Variants in SLC2A14 observed in about 807,000 individuals in gnomAD.
SLC2A14 encodes solute carrier family 2 member 14, also known as solute carrier family 2, facilitated glucose transporter member 14.
SLC2A14 carries 13 observed loss-of-function variants against 43.0 expected under a neutral mutation model. That is an observed-to-expected ratio of 0.30 (90% CI 0.20 to 0.48). The LOEUF is 0.48. Ranked by LOEUF, SLC2A14 falls within the 20% of genes least tolerant of loss-of-function variation. The pLI, the probability that SLC2A14 is intolerant of heterozygous loss-of-function variation, is 0.99. For missense variants in SLC2A14, 428 were observed against 620.4 expected (o/e 0.69, Z 3.29); for synonymous variants, 190 against 233.8 (o/e 0.81, Z 1.71).
intron 1 of SLC2A14, among the ~76,000 whole-genome samples, chr12:7,886,912 CTTT>C (rs11442108): frequency 5.3e-5 from 7 of 131,852 alleles, no homozygotes; most frequent in Admixed American, 7.8e-5. Context: ...TAATGATTTT[CTTT>C]TTTTTTTTTT....
chr12:7,852,188 C>T lies in SLC2A14; in HGVS notation c.18+17675G>A, dbSNP rs748466476. ...CTTACAACTGTAACAAATGAATAAA[C>T]GTGGGGAAGAGAAACAGAAGGCCAG... On this transcript the variant is annotated intron_variant, in intron 2 of 10. Transcript: ENST00000431042. Among the ~76,000 whole-genome samples, 91 of 152,012 alleles carry T rather than the reference C, an allele frequency of 6.0e-4. 1 individual carries two copies. Among genetic ancestry groups the T allele is most frequent in the African/African-American group, 1.9e-3 (79 of 41,454 alleles).
At chr12:7,865,987 C>T (rs970133839) in intron 2 of SLC2A14, among the ~76,000 whole-genome samples, 6 of 151,968 alleles carry the variant, frequency 3.9e-5, no homozygotes, top group Admixed American at 2.6e-4. Context: ...GAGGCCGAGG[C>T]GGGTGGATCA....
chr12:7,835,324 T>C (rs1465332212), intron 2 of SLC2A14, among the ~76,000 whole-genome samples: 1 of 152,044 alleles, frequency 6.6e-6, no homozygotes, highest in Non-Finnish European at 1.5e-5. Context: ...GAGGCAGAGG[T>C]TGCAGTCAGC....
At chr12:7,882,022 T>C (rs776465582) in intron 1 of SLC2A14, among the ~76,000 whole-genome samples, 1 of 152,018 alleles carries the variant, frequency 6.6e-6, no homozygotes, top group Non-Finnish European at 1.5e-5. Context: ...TGGGGCCAGA[T>C]AAGAGAATAA....
chr12:7,832,465 T>G (rs751880486), intron 3 of SLC2A14, among the ~76,000 whole-genome samples: 1 of 152,300 alleles, frequency 6.6e-6, no homozygotes, highest in East Asian at 1.9e-4. Context: ...CCACCAATAT[T>G]GTCTCCATCT....
In SLC2A14 at chr12:7,827,602, C is replaced by T; in HGVS notation, c.757G>A (p.Glu253Lys). Residue 253 changes from glutamate (E) to lysine (K), a missense_variant, in exon 7 of 11, where the codon GAA becomes AAA. Physicochemically the swap from Glu to Lys is moderately conservative, Grantham distance 56 (BLOSUM62 1). Coordinates refer to ENST00000431042, the MANE Select transcript of SLC2A14 (RefSeq NM_001286234.2). ...MKDESARMSQ[E>K]KQVTVLELFR... is the part of the protein sequence containing the mutation. ...AGCTCCAGCACGGTGACTTGCTTTT[C>T]TTGTGACATCCTTGCACTCTCATCT... 1 of 1,613,242 alleles carries T rather than the reference C, an allele frequency of 6.2e-7. No homozygotes were observed. The highest frequency in any genetic ancestry group is 8.5e-7 in the Non-Finnish European group (1 of 1,179,832).
chr12:7,874,712 G>T (rs1452940704), upstream of SLC2A14, among the ~76,000 whole-genome samples: 44 of 127,116 alleles, frequency 3.5e-4, no homozygotes, highest in African/African-American at 1.0e-3. Flanking sequence ...ATATAAATAT[G>T]TATATAAATA....
intron 1 of SLC2A14, among the ~76,000 whole-genome samples, chr12:7,887,202 G>A (rs1945702105): frequency 6.6e-6 from 1 of 151,784 alleles, no homozygotes; most frequent in Non-Finnish European, 1.5e-5. Flanking sequence ...ATGAGCCACC[G>A]CGCCCGGCCA....
At chr12:7,890,953 T>C (rs1425948613) in intron 1 of SLC2A14, 1 of 1,508,660 alleles carries the variant, frequency 6.6e-7, no homozygotes, top group East Asian at 2.5e-5. Flanking sequence ...ATCCTCGACA[T>C]GGACTACCTG....
At chr12:7,842,436 T>C (rs1217624811) in intron 2 of SLC2A14, among the ~76,000 whole-genome samples, 2 of 152,232 alleles carry the variant, frequency 1.3e-5, no homozygotes. Flanking sequence ...AAAAGTCATC[T>C]TCACTTGATC....
At chr12:7,880,937 C>T (rs1945559018) in intron 1 of SLC2A14, among the ~76,000 whole-genome samples, 1 of 152,040 alleles carries the variant, frequency 6.6e-6, no homozygotes, top group Admixed American at 6.6e-5. Context: ...GTCAAGAGTT[C>T]GAGACCAGCC....
At chr12:7,849,576 GA>G (rs1342594336) in intron 2 of SLC2A14, among the ~76,000 whole-genome samples, 3 of 151,726 alleles carry the variant, frequency 2.0e-5, no homozygotes, top group Admixed American at 6.6e-5. Context: ...TAAAGGTGAT[GA>G]AAAAAATTAA....
intron 2 of SLC2A14, among the ~76,000 whole-genome samples, chr12:7,865,401 G>A (rs1461858756): frequency 6.6e-6 from 1 of 151,976 alleles, no homozygotes; most frequent in Non-Finnish European, 1.5e-5. Flanking sequence ...GCCGGGCGTG[G>A]TGGCACATGC....
At chr12:7,819,230 A>T (rs1212598470) in intron 9 of SLC2A14, among the ~76,000 whole-genome samples, 1 of 152,142 alleles carries the variant, frequency 6.6e-6, no homozygotes, top group Non-Finnish European at 1.5e-5. Context: ...ACAAACAAAC[A>T]AACAAACAAA....
chr12:7,863,974 CCTGG>C (rs1372046564), intron 2 of SLC2A14, among the ~76,000 whole-genome samples: 1 of 151,870 alleles, frequency 6.6e-6, no homozygotes, highest in Non-Finnish European at 1.5e-5. Flanking sequence ...TGCCACCATG[CCTGG>C]CTAATTTTTT....
chr12:7,827,896 T>G (rs1472961802), intron 6 of SLC2A14, among the ~76,000 whole-genome samples: 3 of 152,130 alleles, frequency 2.0e-5, no homozygotes, highest in Non-Finnish European at 2.9e-5. Flanking sequence ...ATCCCAGCAT[T>G]TTGTGAGGCC....
At position 7,884,429 on chromosome 12, in the gene SLC2A14, G is replaced by A. The variant is rs371231116; in HGVS notation, c.132+6567C>T. ...AAGCTTTTAATACTAGTGAAGTGCC[G>A]TAGTGGGGGGATGGGGAAGAGTGGA... is the stretch of plus-strand genomic sequence containing the variant. On this transcript the variant is annotated intron_variant, in intron 1 of 9. Coordinates refer to the SLC2A14 transcript ENST00000539924. Among the ~76,000 whole-genome samples, 31 of 152,150 alleles carry A rather than the reference G, an allele frequency of 2.0e-4. 1 individual carries two copies. Among genetic ancestry groups the A allele is most frequent in the East Asian group, 1.2e-3 (6 of 5,186 alleles).
chr12:7,865,536 C>CAA (rs777728882), intron 2 of SLC2A14, among the ~76,000 whole-genome samples: 1 of 135,148 alleles, frequency 7.4e-6, no homozygotes. Flanking sequence ...GACTCTGTCT[C>CAA]AAAAAAAAAA....
chr12:7,876,280 C>CAAAAAAAAAAAAAAAAAAAAAAA (rs59935166), upstream of SLC2A14, among the ~76,000 whole-genome samples: 2 of 68,208 alleles, frequency 2.9e-5, no homozygotes, highest in Admixed American at 2.0e-4. Flanking sequence ...AACTCCATCT[C>CAAAAAAAAAAAAAAAAAAAAAAA]AAAAAAAAAA....
Sources: allele counts gnomAD v4.1 joint callset (sites outside exome capture counted in the v4.1 genomes callset), GRCh38; gene constraint gnomAD v4.1.1; transcripts MANE v1.5; gene names NCBI Gene and HGNC (gene_info 2026-07-23, HGNC 2026-07-21).